Variants in FBXO28 observed in about 807,000 individuals in gnomAD.
FBXO28 encodes the protein F-box protein 28.
In FBXO28, 8 loss-of-function variants were observed where a neutral mutation model predicts 38.1. That is an observed-to-expected ratio of 0.21 (90% CI 0.12 to 0.38). The LOEUF is 0.38. FBXO28 is among the 10% of genes least tolerant of loss of function. FBXO28 has a pLI of 1.00. For missense variants in FBXO28, 345 were observed against 460.6 expected, an observed-to-expected ratio of 0.75 and a Z score of 2.30; for synonymous variants, 168 against 173.8, an observed-to-expected ratio of 0.97 and a Z score of 0.26.
chr1:224,137,060 T>G (rs1334645606), intron 3 of FBXO28, among the ~76,000 whole-genome samples: 1 of 151,596 alleles, frequency 6.6e-6, no homozygotes, highest in Non-Finnish European at 1.5e-5. Flanking sequence ...CCACAGAAGC[T>G]TTTATACTTT....
rs1313104273 is a variant in FBXO28 at position 224,159,079 on chromosome 1, C to G, written c.*1333C>G. 1 of 152,546 alleles carries G rather than the reference C, an allele frequency of 6.6e-6. No homozygotes were observed. The highest frequency in any genetic ancestry group is 2.4e-5 in the African/African-American group (1 of 41,448). The allele number at this position is 152,546 out of a possible 1,614,324, so 9.4% of individuals were successfully genotyped here. A position where few individuals can be genotyped will look rare whatever the true frequency, so the allele number is the denominator to read the frequency against. ...CCCAGTTGTATAGTTTTGAGACATT[C>G]AATTATCACTGTCTTAGTTGTATTT... On this transcript the variant is annotated 3_prime_UTR_variant, in exon 5 of 5. Transcript: ENST00000366862.
At chr1:224,123,174 T>C (rs1480432361) in intron 1 of FBXO28, among the ~76,000 whole-genome samples, 4 of 152,196 alleles carry the variant, frequency 2.6e-5, no homozygotes, top group Admixed American at 2.0e-4. Flanking sequence ...TTAAGAACTG[T>C]AGAGTGCCAA....
intron 1 of FBXO28, among the ~76,000 whole-genome samples, chr1:224,120,250 A>G (rs140455552): frequency 6.6e-5 from 10 of 152,320 alleles, no homozygotes; most frequent in African/African-American, 2.2e-4. Flanking sequence ...GATTGATTGA[A>G]ACAAACATCA....
At chr1:224,152,517 A>G (rs1369051896) in intron 3 of FBXO28, among the ~76,000 whole-genome samples, 1 of 152,186 alleles carries the variant, frequency 6.6e-6, no homozygotes, top group Non-Finnish European at 1.5e-5. Flanking sequence ...ATGTACACAC[A>G]TATCTCCCCA....
chr1:224,145,498 A>G (rs1239588323), intron 3 of FBXO28, among the ~76,000 whole-genome samples: 1 of 152,148 alleles, frequency 6.6e-6, no homozygotes, highest in African/African-American at 2.4e-5. Flanking sequence ...TCTGTATAAT[A>G]TAGTAAATAC....
intron 1 of FBXO28, among the ~76,000 whole-genome samples, chr1:224,115,632 G>T (rs1656626534): frequency 6.6e-6 from 1 of 152,154 alleles, no homozygotes; most frequent in Non-Finnish European, 1.5e-5. Flanking sequence ...GCTGAAAATA[G>T]ATATTTCACA....
At chr1:224,146,339 T>G (rs1231090363) in intron 3 of FBXO28, among the ~76,000 whole-genome samples, 1 of 151,994 alleles carries the variant, frequency 6.6e-6, no homozygotes, top group East Asian at 1.9e-4. Flanking sequence ...AAGGGAAAGT[T>G]AAGGAAATCT....
rs1462674354 is a variant in FBXO28, at chr1:224,131,306, A to G, written c.377+725A>G. Among the ~76,000 whole-genome samples the G allele has an allele frequency of 7.2e-5, 11 of 151,770 alleles. No individual in the cohort carries two copies. The East Asian group carries it at 2.1e-3, about 29-fold the overall frequency. On this transcript the variant is annotated intron_variant, in intron 2 of 4. Coordinates refer to ENST00000366862, the MANE Select transcript of FBXO28 (RefSeq NM_015176.4). ...TCAGCTGTCTTTTTTTTTTTCCCCA[A>G]AACTTGATACACTGATCCTAAAATT...
At chr1:224,147,790 A>T (rs997297) in intron 3 of FBXO28, among the ~76,000 whole-genome samples, 74,439 of 148,980 alleles carry the variant, frequency 0.5, 19,864 homozygotes, top group South Asian at 0.6. Context: ...CTAGACCTCA[A>T]AACTCATACC....
intron 1 of FBXO28, among the ~76,000 whole-genome samples, chr1:224,126,917 G>A (rs372670369): frequency 6.6e-6 from 1 of 152,072 alleles, no homozygotes; most frequent in Non-Finnish European, 1.5e-5. Flanking sequence ...CAAGTCTTCC[G>A]GCTGATTTTC....
chr1:224,143,720 C>G (rs896762242), intron 3 of FBXO28, among the ~76,000 whole-genome samples: 1 of 151,768 alleles, frequency 6.6e-6, no homozygotes, highest in Non-Finnish European at 1.5e-5. Flanking sequence ...CCTGTAGTCC[C>G]AGCTACTTGG....
Position 224,153,331 on chromosome 1 carries a change from C to A in FBXO28, c.706C>A (p.Pro236Thr). The change falls in exon 4 of 5, where the codon CCT (proline) becomes ACT (threonine). Residue 236 changes from proline to threonine, a missense_variant. By Grantham distance (38) the Pro-to-Thr change is conservative (BLOSUM62 -1). Transcript: ENST00000366862. ...SDVSGRLMGS[P>T]PVPGPSAALT... ...TGTTTCTGGAAGACTCATGGGCTCT[C>A]CTCCAGGTATCTCTACTTTATAATC... 1 of 1,575,944 alleles carries A rather than the reference C, an allele frequency of 6.3e-7. No homozygotes were observed. Among genetic ancestry groups the A allele is most frequent in the South Asian group, 1.2e-5 (1 of 82,276 alleles).
intron 1 of FBXO28, among the ~76,000 whole-genome samples, chr1:224,117,996 A>ATTT (rs1558185406): frequency 0.022 from 1,775 of 78,998 alleles, 37 homozygotes; most frequent in African/African-American, 0.064. Context: ...TTAATTAATT[A>ATTT]ATTAATTTAT....
chr1:224,127,376 A>T (rs944025830), intron 1 of FBXO28, among the ~76,000 whole-genome samples: 1 of 152,116 alleles, frequency 6.6e-6, no homozygotes, highest in Non-Finnish European at 1.5e-5. Context: ...AGTCGATTGA[A>T]TGCAGAGACA....
chr1:224,145,844 G>C (rs766121066), intron 3 of FBXO28, among the ~76,000 whole-genome samples: 2 of 152,160 alleles, frequency 1.3e-5, no homozygotes, highest in African/African-American at 2.4e-5. Flanking sequence ...AAGGCAGGTG[G>C]ATCACCAGAG....
chr1:224,155,247 C>T (rs945592137), intron 4 of FBXO28, among the ~76,000 whole-genome samples: 1 of 151,944 alleles, frequency 6.6e-6, no homozygotes, highest in Non-Finnish European at 1.5e-5. Flanking sequence ...CTCACTGCAA[C>T]GTCCGCCTCC....
At chr1:224,133,445 A>T (rs1259713891) in intron 2 of FBXO28, among the ~76,000 whole-genome samples, 1 of 152,156 alleles carries the variant, frequency 6.6e-6, no homozygotes, top group Admixed American at 6.6e-5. Flanking sequence ...CTATATTTCC[A>T]TGTGTAATCC....
intron 1 of FBXO28, among the ~76,000 whole-genome samples, chr1:224,127,527 T>C (rs1656934882): frequency 6.6e-6 from 1 of 152,216 alleles, no homozygotes; most frequent in Admixed American, 6.5e-5. Context: ...TGATATGTAT[T>C]GTGTTTATGT....
chr1:224,136,200 A>G (rs986915123), intron 3 of FBXO28, among the ~76,000 whole-genome samples: 4 of 134,960 alleles, frequency 3.0e-5, no homozygotes, highest in Admixed American at 2.7e-4. Context: ...GCCTCCCGGT[A>G]CAGGTGCATT....
Sources: gnomAD v4.1 joint callset for allele counts (sites outside exome capture counted in the v4.1 genomes callset) on GRCh38, gnomAD v4.1.1 for gene constraint, MANE v1.5 for transcripts, NCBI Gene and HGNC (gene_info 2026-07-23, HGNC 2026-07-21) for gene names.